Variants in ZNF100 observed in about 807,000 individuals in gnomAD.
The protein encoded by ZNF100 is zinc finger protein 100 (Y1).
Under a neutral mutation model 15.8 loss-of-function variants are expected in ZNF100, and 12 were observed. The ratio of observed to expected loss-of-function variants is 0.76; its 90% CI spans 0.49 to 1.23. The LOEUF (loss-of-function observed/expected upper bound fraction) is 1.23. Among genes scored for constraint, ZNF100 ranks in the 50% most tolerant of loss-of-function variants. The pLI is 0.00. For missense variants in ZNF100, 670 were observed against 635.6 expected (o/e 1.05, Z -0.58); for synonymous variants, 226 against 214.8 (o/e 1.05, Z -0.45).
chr19:21,725,656 A>G lies in ZNF100; in HGVS notation c.*1027T>C, dbSNP rs1296993201. 1 of 152,142 alleles carries G rather than the reference A, an allele frequency of 6.6e-6. No homozygotes were observed. Among genetic ancestry groups the G allele is most frequent in the African/African-American group, 2.4e-5 (1 of 41,456 alleles). The allele number at this position is 152,142 out of a possible 1,614,324, so 9.4% of individuals were successfully genotyped here. ...GGAAATAATTTAAGAGTTGAATTAC[A>G]TTATTACTCACTTTTCAAAAAATCT... is the stretch of plus-strand genomic sequence containing the variant. On this transcript the variant is annotated 3_prime_UTR_variant, in exon 5 of 5. Coordinates refer to ENST00000358296, the MANE Select transcript of ZNF100 (RefSeq NM_173531.4).
intron 2 of ZNF100, among the ~76,000 whole-genome samples, chr19:21,748,670 CA>C (rs1433577052): frequency 2.6e-5 from 4 of 152,112 alleles, no homozygotes; most frequent in Non-Finnish European, 2.9e-5. Context: ...CCTCAGAAGA[CA>C]CAACAATATA....
At chr19:21,765,507 T>C (rs2036543038) in intron 2 of ZNF100, among the ~76,000 whole-genome samples, 187 bp downstream of exon 2, 1 of 152,084 alleles carries the variant, frequency 6.6e-6, no homozygotes, top group Non-Finnish European at 1.5e-5. Context: ...AAATTTTCAC[T>C]TTTTTTTCCA....
chr19:21,732,313 A>G (rs1401162445), intron 4 of ZNF100, among the ~76,000 whole-genome samples: 1 of 152,238 alleles, frequency 6.6e-6, no homozygotes, highest in East Asian at 1.9e-4. Flanking sequence ...GATTCACAAC[A>G]GATATTGAAA....
intron 4 of ZNF100, among the ~76,000 whole-genome samples, chr19:21,740,780 T>C (rs778268019): frequency 6.6e-6 from 1 of 152,200 alleles, no homozygotes; most frequent in Non-Finnish European, 1.5e-5. Context: ...GCCAACTCTG[T>C]TGATGATGCA....
Position 21,767,569 on chromosome 19 carries a change from G to A in ZNF100, c.-140C>T. ...AAACCTGGAGCTCCGGCTACAGCGAGAGACAAAGACCCCGCCAAACCCGGA... is the reference window on the plus strand; with the variant it reads ...AAACCTGGAGCTCCGGCTACAGCGAAAGACAAAGACCCCGCCAAACCCGGA... On this transcript the variant is annotated 5_prime_UTR_variant, in exon 1 of 5. Transcript: ENST00000358296. 2.2e-6 allele frequency: 3 copies of A among 1,368,722 alleles called. No individual in the cohort carries two copies. Among genetic ancestry groups the A allele is most frequent in the Non-Finnish European group, 3.0e-6 (3 of 997,146 alleles). The allele number at this position is 1,368,722 out of a possible 1,614,324, so 84.8% of individuals were successfully genotyped here. A position where few individuals can be genotyped will look rare whatever the true frequency, so the allele number is the denominator to read the frequency against.
chr19:21,758,815 C>G (rs1361781403), intron 2 of ZNF100, among the ~76,000 whole-genome samples: 1 of 152,098 alleles, frequency 6.6e-6, no homozygotes, highest in Non-Finnish European at 1.5e-5. Context: ...ATCAGAGTTC[C>G]TTTCCTCTAA....
intron 2 of ZNF100, among the ~76,000 whole-genome samples, chr19:21,762,489 CTTAT>C (rs781085820): frequency 6.6e-6 from 1 of 152,126 alleles, no homozygotes. Flanking sequence ...AAAGTGAACA[CTTAT>C]TAATCTTCCA....
chr19:21,733,325 TAAC>T (rs926043310), intron 4 of ZNF100, among the ~76,000 whole-genome samples: 6 of 152,092 alleles, frequency 3.9e-5, no homozygotes, highest in Non-Finnish European at 8.8e-5. Flanking sequence ...TTGGAAAATA[TAAC>T]AACAGAGGTT....
chr19:21,751,697 G>A, intron 2 of ZNF100: 1 of 1,199,582 alleles, frequency 8.3e-7, no homozygotes, highest in South Asian at 1.3e-5. Flanking sequence ...TAATATTAAT[G>A]TTCCTGCTAG....
chr19:21,751,288 A>G (rs1440297929), intron 2 of ZNF100: 2 of 991,580 alleles, frequency 2.0e-6, no homozygotes, highest in Non-Finnish European at 3.3e-6. Flanking sequence ...CCTTAGAAAT[A>G]TATTACCACA....
chr19:21,751,733 C>G, intron 2 of ZNF100: 1 of 1,275,490 alleles, frequency 7.8e-7, no homozygotes, highest in Non-Finnish European at 1.1e-6. Context: ...CTACCTTGAC[C>G]ATCGCTCCTT....
intron 2 of ZNF100, among the ~76,000 whole-genome samples, chr19:21,757,362 C>T (rs1204742939): frequency 6.6e-6 from 1 of 152,172 alleles, no homozygotes; most frequent in Non-Finnish European, 1.5e-5. Context: ...TGCTTCAACC[C>T]ATGAAGCAGA....
At chr19:21,748,957 C>T (rs574528560) in intron 2 of ZNF100, among the ~76,000 whole-genome samples, 1 of 152,294 alleles carries the variant, frequency 6.6e-6, no homozygotes, top group South Asian at 2.1e-4. Flanking sequence ...CCGCCTGCCT[C>T]GGCCTCCCAA....
chr19:21,744,112 C>T lies in ZNF100; in HGVS notation c.227G>A (p.Gly76Asp). The change falls in exon 4 of 5, where the codon GGT becomes GAT. Residue 76 changes from glycine to aspartate, a missense_variant. Physicochemically the swap from Gly to Asp is moderately conservative, Grantham distance 94. Transcript: ENST00000358296. The stretch of plus-strand genomic sequence containing the variant: ...CAGGTCTGGCTTAGTGAGAGCAATA[C>T]CTGCTTTATTAGAAATAAATAACAT... ...ENYRNLVFLAGIALTKPDLIT... is the reference protein window; with the variant it reads ...ENYRNLVFLADIALTKPDLIT... 2 of 1,603,006 alleles carry T rather than the reference C, an allele frequency of 1.2e-6. No homozygotes were observed. The highest frequency in any genetic ancestry group is 1.7e-6 in the Non-Finnish European group (2 of 1,176,014).
intron 2 of ZNF100, among the ~76,000 whole-genome samples, chr19:21,760,826 G>A (rs541883715): frequency 2.1e-5 from 3 of 142,998 alleles, no homozygotes; most frequent in South Asian, 2.3e-4. Flanking sequence ...GTGCGATCTC[G>A]GCTCACTGGA....
At chr19:21,755,655 T>G (rs1273763888) in intron 2 of ZNF100, among the ~76,000 whole-genome samples, 1 of 152,092 alleles carries the variant, frequency 6.6e-6, no homozygotes, top group East Asian at 1.9e-4. Context: ...CAGCACTATT[T>G]ACAATAACAA....
rs751144609 is a variant in ZNF100, at chr19:21,726,745, TAA to T, written c.1565_1566del (p.Phe522Ter). On this transcript the variant is annotated frameshift_variant, in exon 5 of 5. Transcript: ENST00000358296. LOFTEE classifies it low-confidence loss of function (END_TRUNC). Reference sequence around the variant, plus strand: ...TGTTTAATAAGGCTTAGGGACTGGTTAAAGTCTTTACCACATTCTTCCCATTT... The same window carrying T: ...TGTTTAATAAGGCTTAGGGACTGGTTAGTCTTTACCACATTCTTCCCATTT... Reference protein sequence around the residue: ...SYKWEECGKDFNQSLSLIKQN... With the variant: ...SYKWEECGKDXNQSLSLIKQN... 1.9e-6 allele frequency: 3 copies of T among 1,612,896 alleles called. No homozygotes were observed. Among genetic ancestry groups the T allele is most frequent in the Middle Eastern group, 1.7e-4 (1 of 6,058 alleles).
At chr19:21,762,430 T>A (rs564209138) in intron 2 of ZNF100, among the ~76,000 whole-genome samples, 2 of 152,356 alleles carry the variant, frequency 1.3e-5, no homozygotes, top group African/African-American at 4.8e-5. Flanking sequence ...TATATTGCCA[T>A]TCTACTCCTT....
At chr19:21,748,160 TA>T (rs1211549889) in intron 2 of ZNF100, among the ~76,000 whole-genome samples, 1 of 152,152 alleles carries the variant, frequency 6.6e-6, no homozygotes. Context: ...ATACAAAATT[TA>T]AAAAAATAAG....
Sources: allele counts gnomAD v4.1 joint callset (sites outside exome capture counted in the v4.1 genomes callset), GRCh38; gene constraint gnomAD v4.1.1; transcripts MANE v1.5; gene names NCBI Gene and HGNC (gene_info 2026-07-23, HGNC 2026-07-21).